The following ARNT2 variants were observed in gnomAD, a reference collection of about 807,000 sequenced individuals.
The protein encoded by ARNT2 is aryl hydrocarbon receptor nuclear translocator 2, also known as ARNT protein 2.
A neutral mutation model predicts 91.7 loss-of-function variants in ARNT2; 36 were observed. That is an observed-to-expected ratio of 0.39 (90% CI 0.30 to 0.52). The LOEUF (loss-of-function observed/expected upper bound fraction) is 0.52. Among genes scored for constraint, ARNT2 ranks in the 20% least tolerant of loss-of-function variants. The pLI is 0.72. For synonymous variants in ARNT2, 365 were observed against 347.1 expected (o/e 1.05, Z -0.57); for missense variants, 775 against 939.3 (o/e 0.83, Z 2.29).
intron 5 of ARNT2, among the ~76,000 whole-genome samples, chr15:80,486,405 G>A (rs556429374): frequency 3.3e-5 from 5 of 152,264 alleles, no homozygotes; most frequent in African/African-American, 1.2e-4. Context: ...CAGATATGTA[G>A]GCAGTGAAAC....
chr15:80,426,117 C>T (rs1895929243), intron 1 of ARNT2, among the ~76,000 whole-genome samples: 2 of 145,966 alleles, frequency 1.4e-5, no homozygotes, highest in Admixed American at 1.4e-4. Context: ...TTTTCACTCT[C>T]TTCAATGAAG....
chr15:80,482,276 A>T (rs1896902174), intron 5 of ARNT2, among the ~76,000 whole-genome samples: 1 of 152,150 alleles, frequency 6.6e-6, no homozygotes, highest in South Asian at 2.1e-4. Flanking sequence ...CATTAGCATC[A>T]ATCACCTGGG....
intron 5 of ARNT2, among the ~76,000 whole-genome samples, chr15:80,481,156 A>G (rs1896881105): frequency 6.6e-6 from 1 of 152,220 alleles, no homozygotes; most frequent in Admixed American, 6.5e-5. Context: ...TATCTCCCTG[A>G]GAGCTTCATG....
chr15:80,413,091 A>T (rs914151808), intron 1 of ARNT2, among the ~76,000 whole-genome samples: 20 of 151,104 alleles, frequency 1.3e-4, no homozygotes, highest in African/African-American at 4.9e-4. Flanking sequence ...CTTTTTAATT[A>T]ACTGCTGTTA....
intron 5 of ARNT2, among the ~76,000 whole-genome samples, chr15:80,495,673 C>A (rs1459829217): frequency 6.6e-6 from 1 of 152,210 alleles, no homozygotes; most frequent in Non-Finnish European, 1.5e-5. Flanking sequence ...AGCTTGACTC[C>A]TCTGTTTGCT....
intron 4 of ARNT2, among the ~76,000 whole-genome samples, chr15:80,472,106 TG>T (rs1255064440): frequency 1.3e-4 from 1 of 7,680 alleles, no homozygotes; most frequent in Non-Finnish European, 2.8e-4. Context: ...GTATAGCCGG[TG>T]GGGGGGCATT....
chr15:80,545,622 G>C (rs1475835596), intron 8 of ARNT2, among the ~76,000 whole-genome samples: 1 of 152,154 alleles, frequency 6.6e-6, no homozygotes, highest in Non-Finnish European at 1.5e-5. Context: ...GAATAGTGCA[G>C]GATGATGCTA....
intron 8 of ARNT2, among the ~76,000 whole-genome samples, chr15:80,543,647 A>G (rs565287430): frequency 1.3e-5 from 2 of 152,258 alleles, no homozygotes; most frequent in Admixed American, 1.3e-4. Context: ...GAACATTTTT[A>G]TTACTTTCTA....
chr15:80,551,092 C>T lies in ARNT2; in HGVS notation c.878-107C>T, dbSNP rs1898072873. On this transcript the variant is annotated intron_variant, in intron 8 of 18. Coordinates refer to ENST00000303329, the MANE Select transcript of ARNT2 (RefSeq NM_014862.4). Reference sequence around the variant, plus strand: ...TGGCTGGCTTCCCAGCCCTGCATGGCCAACACTCACTGTATTTTCGATTGC... The same window carrying T: ...TGGCTGGCTTCCCAGCCCTGCATGGTCAACACTCACTGTATTTTCGATTGC... The T allele has an allele frequency of 8.2e-6, 9 of 1,095,532 alleles. No individual in the cohort carries two copies. In the South Asian group the frequency reaches 1.2e-4, roughly 15 times the overall value. The allele number at this position is 1,095,532 out of a possible 1,614,324, so 67.9% of individuals were successfully genotyped here. A position where few individuals can be genotyped will look rare whatever the true frequency, so the allele number is the denominator to read the frequency against.
rs1280513555 is a variant in ARNT2 at position 80,404,620 on chromosome 15, G to A, written c.31+74G>A. Reference sequence around the variant, plus strand: ...CCCGGGGCCGGAGCGGACCAGGCGCGCCGGGCGCCCCCGGGGGCGCGGAGC... The same window carrying A: ...CCCGGGGCCGGAGCGGACCAGGCGCACCGGGCGCCCCCGGGGGCGCGGAGC... On this transcript the variant is annotated intron_variant, in intron 1 of 18. Coordinates refer to ENST00000303329, the MANE Select transcript of ARNT2 (RefSeq NM_014862.4). The surrounding 1 kb of genome is among the most constrained non-coding windows in gnomAD (Gnocchi z 5.5). 4.1e-6 allele frequency: 4 copies of A among 980,768 alleles called. No individual in the cohort carries two copies. The highest frequency in any genetic ancestry group is 4.9e-6 in the Non-Finnish European group (4 of 819,030). 60.8% of individuals were successfully genotyped at this position (980,768 alleles called of 1,614,324 possible).
At chr15:80,567,345 C>T (rs8034400) in intron 12 of ARNT2, among the ~76,000 whole-genome samples, 59,471 of 145,022 alleles carry the variant, frequency 0.41, 12,725 homozygotes, top group Non-Finnish European at 0.48. Context: ...ATCTGCTTAG[C>T]ATCTGTTCAA....
At chr15:80,472,447 C>G (rs1208683691) in intron 4 of ARNT2, among the ~76,000 whole-genome samples, 1 of 152,146 alleles carries the variant, frequency 6.6e-6, no homozygotes, top group Non-Finnish European at 1.5e-5. Flanking sequence ...AGAGCCGAGA[C>G]TCGATTTATG....
intron 5 of ARNT2, among the ~76,000 whole-genome samples, chr15:80,501,271 A>G (rs1897189452): frequency 6.6e-6 from 1 of 152,054 alleles, no homozygotes; most frequent in African/African-American, 2.4e-5. Flanking sequence ...AATAATATTA[A>G]AAGAGCCTTT....
Position 80,485,699 on chromosome 15 carries a change from T to C in ARNT2, c.622+10476T>C, listed in dbSNP as rs1896961174. Among the ~76,000 whole-genome samples the C allele has an allele frequency of 3.3e-5, 5 of 152,152 alleles. No individual in the cohort carries two copies. The South Asian group carries it at 1.0e-3, about 32-fold the overall frequency. The stretch of plus-strand genomic sequence containing the variant: ...GGTGAAGCGTGGGGAGAGGGGATGC[T>C]GACTCCAAGACCAATTGCAGGCCAC... On this transcript the variant is annotated intron_variant, in intron 5 of 18. Coordinates refer to ENST00000303329, the MANE Select transcript of ARNT2 (RefSeq NM_014862.4).
chr15:80,558,620 A>T (rs751428698), intron 11 of ARNT2, among the ~76,000 whole-genome samples: 2 of 152,104 alleles, frequency 1.3e-5, no homozygotes, highest in Non-Finnish European at 2.9e-5. Context: ...GATTACAGGC[A>T]TGAGCTACCG....
At chr15:80,506,447 G>C (rs888929198) in intron 5 of ARNT2, among the ~76,000 whole-genome samples, 1 of 152,188 alleles carries the variant, frequency 6.6e-6, no homozygotes, top group Non-Finnish European at 1.5e-5. Context: ...TCAGAGGTTG[G>C]GGGATTCCGG....
At chr15:80,560,644 G>A (rs148566831) in intron 11 of ARNT2, among the ~76,000 whole-genome samples, 8 of 152,342 alleles carry the variant, frequency 5.3e-5, no homozygotes, top group Admixed American at 2.0e-4. Flanking sequence ...CTTCCTCAGA[G>A]TGCAGAAGAT....
intron 3 of ARNT2, among the ~76,000 whole-genome samples, chr15:80,459,678 CAG>C (rs772412431): frequency 3.9e-5 from 6 of 152,308 alleles, no homozygotes; most frequent in Non-Finnish European, 8.8e-5. Context: ...CATTAAGAAA[CAG>C]AAACTCTACA....
At chr15:80,513,549 C>A (rs1322705658) in intron 6 of ARNT2, among the ~76,000 whole-genome samples, 1 of 152,068 alleles carries the variant, frequency 6.6e-6, no homozygotes, top group African/African-American at 2.4e-5. Context: ...GCTGTCATCA[C>A]CCTCTTCCCT....
Sources: gnomAD v4.1 joint callset for allele counts (sites outside exome capture counted in the v4.1 genomes callset) on GRCh38, gnomAD v4.1.1 for gene constraint, Gnocchi (gnomAD v3.1) non-coding constraint, MANE v1.5 for transcripts, NCBI Gene and HGNC (gene_info 2026-07-23, HGNC 2026-07-21) for gene names.